MISP3: variants seen among roughly 807,000 people sequenced by gnomAD.
The protein encoded by MISP3 is MISP family member 3.
MISP3 carries 9 observed loss-of-function variants against 5.5 expected under a neutral mutation model. The ratio of observed to expected loss-of-function variants is 1.65; its 90% CI spans 0.99 to 2.87. MISP3 has a LOEUF of 2.87. Among genes scored for constraint, MISP3 ranks in the 30% most tolerant of loss-of-function variants. The pLI, the probability that MISP3 is intolerant of heterozygous loss-of-function variation, is 0.00. For synonymous variants in MISP3, 87 were observed against 38.1 expected, an observed-to-expected ratio of 2.28 and a Z score of -4.73; for missense variants, 152 against 84.1, an observed-to-expected ratio of 1.81 and a Z score of -3.16.
rs1392333232 is a variant in MISP3, at chr19:14,074,803, C to T, written c.*80C>T. On this transcript the variant is annotated 3_prime_UTR_variant, in exon 3 of 3. Coordinates refer to ENST00000587086, the MANE Select transcript of MISP3 (RefSeq NM_001291291.2). The surrounding 1 kb of genome is among the most constrained non-coding windows in gnomAD (Gnocchi z 4.4). ...GGGCGGGGGGCGTCTAGCATTAGGCCTGGAGAAGGGTCGGCTCTCTGCATT... is the reference window on the plus strand; with the variant it reads ...GGGCGGGGGGCGTCTAGCATTAGGCTTGGAGAAGGGTCGGCTCTCTGCATT... 1.5e-6 allele frequency: 1 copy of T among 684,092 alleles called. No homozygotes were observed. The highest frequency in any genetic ancestry group is 2.0e-5 in the Admixed American group (1 of 49,646). 42.4% of individuals were successfully genotyped at this position (684,092 alleles called of 1,614,324 possible).
chr19:14,072,997 T>C lies in MISP3; in HGVS notation c.-313T>C, dbSNP rs1976611688. 2.0e-6 allele frequency: 1 copy of C among 496,908 alleles called. No homozygotes were observed. Among genetic ancestry groups the C allele is most frequent in the Non-Finnish European group, 3.9e-6 (1 of 253,966 alleles). 30.8% of individuals were successfully genotyped at this position (496,908 alleles called of 1,614,324 possible). A position where few individuals can be genotyped will look rare whatever the true frequency, so the allele number is the denominator to read the frequency against. ...CCAGACAGCGAAGCCCCAGAGCTGCTGCGGAGCTGAACACCGAGGTCCCCA... is the reference window on the plus strand; with the variant it reads ...CCAGACAGCGAAGCCCCAGAGCTGCCGCGGAGCTGAACACCGAGGTCCCCA... On this transcript the variant is annotated 5_prime_UTR_variant, in exon 1 of 3. Transcript: ENST00000587086. The surrounding 1 kb of genome is among the most constrained non-coding windows in gnomAD (Gnocchi z 6.8).
chr19:14,073,234 G>A lies in MISP3; in HGVS notation c.-76G>A, dbSNP rs560239360. Reference sequence around the variant, plus strand: ...CAGGCCCTAAGACCTCCTCCTCCAGGTCAGGCTCGGAAGCCCCCCACCTGC... The same window carrying A: ...CAGGCCCTAAGACCTCCTCCTCCAGATCAGGCTCGGAAGCCCCCCACCTGC... On this transcript the variant is annotated 5_prime_UTR_variant, in exon 1 of 3. Coordinates refer to ENST00000587086, the MANE Select transcript of MISP3 (RefSeq NM_001291291.2). The surrounding 1 kb of genome is among the most constrained non-coding windows in gnomAD (Gnocchi z 8.5). 5 of 680,166 alleles carry A rather than the reference G, an allele frequency of 7.4e-6. No individual in the cohort carries two copies. The highest frequency in any genetic ancestry group is 4.5e-5 in the South Asian group (3 of 66,624). 42.1% of individuals were successfully genotyped at this position (680,166 alleles called of 1,614,324 possible).
In MISP3 at chr19:14,073,293, C is replaced by G. The variant is rs981882078; in HGVS notation, c.-17C>G. The G allele has an allele frequency of 2.0e-5, 14 of 694,802 alleles. No individual in the cohort carries two copies. Among genetic ancestry groups the G allele is most frequent in the Middle Eastern group, 2.3e-4 (1 of 4,336 alleles). The allele number at this position is 694,802 out of a possible 1,614,324, so 43.0% of individuals were successfully genotyped here. A position where few individuals can be genotyped will look rare whatever the true frequency, so the allele number is the denominator to read the frequency against. On this transcript the variant is annotated 5_prime_UTR_variant, in exon 1 of 3. Transcript: ENST00000587086. The surrounding 1 kb of genome is among the most constrained non-coding windows in gnomAD (Gnocchi z 8.5). The stretch of plus-strand genomic sequence containing the variant: ...CCGTGCCCCGAGGCTCCCCAGCGTC[C>G]CCCGGAGGAGCGGTTCATGGAGACG...
In MISP3 at chr19:14,073,223, T is replaced by C. The variant is rs536359855; in HGVS notation, c.-87T>C. ...GCATCCCCCTCCAGGCCCTAAGACCTCCTCCTCCAGGTCAGGCTCGGAAGC... is the reference window on the plus strand; with the variant it reads ...GCATCCCCCTCCAGGCCCTAAGACCCCCTCCTCCAGGTCAGGCTCGGAAGC... On this transcript the variant is annotated 5_prime_UTR_variant, in exon 1 of 3. Transcript: ENST00000587086. The surrounding 1 kb of genome is among the most constrained non-coding windows in gnomAD (Gnocchi z 8.5). 1.5e-6 allele frequency: 1 copy of C among 676,796 alleles called. No individual in the cohort carries two copies. Among genetic ancestry groups the C allele is most frequent in the East Asian group, 2.8e-5 (1 of 35,582 alleles). 41.9% of individuals were successfully genotyped at this position (676,796 alleles called of 1,614,324 possible).
rs929990430 is a variant in MISP3 at position 14,073,315 on chromosome 19, G to A, written c.6G>A (p.Glu2=). 1.4e-6 allele frequency: 1 copy of A among 697,620 alleles called. No homozygotes were observed. The highest frequency in any genetic ancestry group is 2.0e-5 in the Admixed American group (1 of 49,836). The allele number at this position is 697,620 out of a possible 1,614,324, so 43.2% of individuals were successfully genotyped here. Residue 2 remains glutamate, a synonymous_variant, in exon 1 of 3, where the codon GAG becomes GAA. Coordinates refer to ENST00000587086, the MANE Select transcript of MISP3 (RefSeq NM_001291291.2). This position sits in a 1 kb window ranked among gnomAD's most constrained non-coding sequence, Gnocchi z 8.5. M[E]TPIEREIRRS... The stretch of plus-strand genomic sequence containing the variant: ...GTCCCCCGGAGGAGCGGTTCATGGA[G>A]ACGCCCATCGAGCGCGAAATCCGCC...
chr19:14,074,831 G>C lies in MISP3; in HGVS notation c.*108G>C, dbSNP rs1293944342. 1.5e-6 allele frequency: 1 copy of C among 667,960 alleles called. No individual in the cohort carries two copies. Among genetic ancestry groups the C allele is most frequent in the Non-Finnish European group, 2.8e-6 (1 of 358,202 alleles). The allele number at this position is 667,960 out of a possible 1,614,324, so 41.4% of individuals were successfully genotyped here. ...GAGAAGGGTCGGCTCTCTGCATTGG[G>C]GAAGATGAAATCGACTTGCCTTTGT... On this transcript the variant is annotated 3_prime_UTR_variant, in exon 3 of 3. Coordinates refer to ENST00000587086, the MANE Select transcript of MISP3 (RefSeq NM_001291291.2). This position sits in a 1 kb window ranked among gnomAD's most constrained non-coding sequence, Gnocchi z 4.4.
chr19:14,074,069 C>T lies in MISP3; in HGVS notation c.568+192C>T, dbSNP rs968997063. ...CATTACTCGCTGTGATCCACCCCTC[C>T]ACCGGGAGTGATGGACTCTCTGATC... On this transcript the variant is annotated intron_variant, in intron 1 of 2. Coordinates refer to ENST00000587086, the MANE Select transcript of MISP3 (RefSeq NM_001291291.2). This position sits in a 1 kb window ranked among gnomAD's most constrained non-coding sequence, Gnocchi z 4.4. The T allele has an allele frequency of 1.7e-6, 1 of 597,302 alleles. No homozygotes were observed. The highest frequency in any genetic ancestry group is 3.0e-6 in the Non-Finnish European group (1 of 335,360). The allele number at this position is 597,302 out of a possible 1,614,324, so 37.0% of individuals were successfully genotyped here. A position where few individuals can be genotyped will look rare whatever the true frequency, so the allele number is the denominator to read the frequency against.
In MISP3 at chr19:14,073,493, G is replaced by T; in HGVS notation, c.184G>T (p.Gly62Cys). ...LPRALERARAGAQMQRDIERE... is the reference protein window; with the variant it reads ...LPRALERARACAQMQRDIERE... ...GCGCGCCCTGGAGCGGGCGCGGGCGGGCGCGCAGATGCAGCGGGACATCGA... is the reference window on the plus strand; with the variant it reads ...GCGCGCCCTGGAGCGGGCGCGGGCGTGCGCGCAGATGCAGCGGGACATCGA... Residue 62 changes from glycine to cysteine, a missense_variant, in exon 1 of 3, where the codon GGC (glycine) becomes TGC (cysteine). Coordinates refer to ENST00000587086, the MANE Select transcript of MISP3 (RefSeq NM_001291291.2). This position sits in a 1 kb window ranked among gnomAD's most constrained non-coding sequence, Gnocchi z 8.5. 1 of 396,584 alleles carries T rather than the reference G, an allele frequency of 2.5e-6. No individual in the cohort carries two copies. The highest frequency in any genetic ancestry group is 4.4e-6 in the Non-Finnish European group (1 of 228,040). 24.6% of individuals were successfully genotyped at this position (396,584 alleles called of 1,614,324 possible). A position where few individuals can be genotyped will look rare whatever the true frequency, so the allele number is the denominator to read the frequency against.
rs1976667947 is a variant in MISP3 at position 14,074,952 on chromosome 19, T to C, written c.*229T>C. 1.8e-6 allele frequency: 1 copy of C among 564,078 alleles called. No individual in the cohort carries two copies. The highest frequency in any genetic ancestry group is 2.9e-5 in the East Asian group (1 of 34,592). The allele number at this position is 564,078 out of a possible 1,614,324, so 34.9% of individuals were successfully genotyped here. ...CCAGTGAAACTGCCCAGCCCTTCTCTGCCTAATTGCAAACTGAACTACCCT... is the reference window on the plus strand; with the variant it reads ...CCAGTGAAACTGCCCAGCCCTTCTCCGCCTAATTGCAAACTGAACTACCCT... On this transcript the variant is annotated 3_prime_UTR_variant, in exon 3 of 3. Transcript: ENST00000587086. The surrounding 1 kb of genome is among the most constrained non-coding windows in gnomAD (Gnocchi z 4.4).
rs1255748835 is a variant in MISP3, at chr19:14,073,103, C to T, written c.-207C>T. ...ATCAGTCGAGCAGGACGCAGAGAGCCCCGGGCTGTCCACAGCTGCGGGCTT... is the reference window on the plus strand; with the variant it reads ...ATCAGTCGAGCAGGACGCAGAGAGCTCCGGGCTGTCCACAGCTGCGGGCTT... On this transcript the variant is annotated 5_prime_UTR_variant, in exon 1 of 3. Transcript: ENST00000587086. The surrounding 1 kb of genome is among the most constrained non-coding windows in gnomAD (Gnocchi z 8.5). 1.9e-5 allele frequency: 12 copies of T among 646,672 alleles called. No homozygotes were observed. The Admixed American group carries it at 2.5e-4, about 13-fold the overall frequency. 40.1% of individuals were successfully genotyped at this position (646,672 alleles called of 1,614,324 possible).
chr19:14,073,456 C>T lies in MISP3; in HGVS notation c.147C>T (p.Gly49=), dbSNP rs1177764613. 3.8e-6 allele frequency: 2 copies of T among 530,774 alleles called. No individual in the cohort carries two copies. The highest frequency in any genetic ancestry group is 4.2e-5 in the Admixed American group (1 of 23,642). The allele number at this position is 530,774 out of a possible 1,614,324, so 32.9% of individuals were successfully genotyped here. A position where few individuals can be genotyped will look rare whatever the true frequency, so the allele number is the denominator to read the frequency against. ...VRPVLNLPGP[G]PALPRALERA... Reference sequence around the variant, plus strand: ...CGGTGCTCAACCTGCCGGGTCCTGGCCCCGCGCTCCCGCGCGCCCTGGAGC... The same window carrying T: ...CGGTGCTCAACCTGCCGGGTCCTGGTCCCGCGCTCCCGCGCGCCCTGGAGC... Residue 49 remains glycine (G), a synonymous_variant, in exon 1 of 3, where the codon GGC becomes GGT. Transcript: ENST00000587086. The surrounding 1 kb of genome is among the most constrained non-coding windows in gnomAD (Gnocchi z 8.5).
chr19:14,074,894 C>G lies in MISP3; in HGVS notation c.*171C>G, dbSNP rs1976666818. On this transcript the variant is annotated 3_prime_UTR_variant, in exon 3 of 3. Transcript: ENST00000587086. This position sits in a 1 kb window ranked among gnomAD's most constrained non-coding sequence, Gnocchi z 4.4. The stretch of plus-strand genomic sequence containing the variant: ...CCCCCTCTATAAAACTTACAGTCCC[C>G]CATTGGGAAACTGACCACCACCCAC... The G allele has an allele frequency of 1.6e-6, 1 of 608,346 alleles. No individual in the cohort carries two copies. The highest frequency in any genetic ancestry group is 1.8e-5 in the South Asian group (1 of 55,288). 37.7% of individuals were successfully genotyped at this position (608,346 alleles called of 1,614,324 possible).
rs934012759 is a variant in MISP3 at position 14,074,067 on chromosome 19, T to G, written c.568+190T>G. On this transcript the variant is annotated intron_variant, in intron 1 of 2. Transcript: ENST00000587086. This position sits in a 1 kb window ranked among gnomAD's most constrained non-coding sequence, Gnocchi z 4.4. ...TCCATTACTCGCTGTGATCCACCCC[T>G]CCACCGGGAGTGATGGACTCTCTGA... 18 of 596,092 alleles carry G rather than the reference T, an allele frequency of 3.0e-5. 1 individual carries two copies. In the African/African-American group the frequency reaches 3.4e-4, roughly 11 times the overall value. 36.9% of individuals were successfully genotyped at this position (596,092 alleles called of 1,614,324 possible).
In MISP3 at chr19:14,075,033, A is replaced by C. The variant is rs1599318213; in HGVS notation, c.*310A>C. 2 of 344,094 alleles carry C rather than the reference A, an allele frequency of 5.8e-6. No homozygotes were observed. Among genetic ancestry groups the C allele is most frequent in the South Asian group, 5.7e-5 (1 of 17,622 alleles). 21.3% of individuals were successfully genotyped at this position (344,094 alleles called of 1,614,324 possible). A position where few individuals can be genotyped will look rare whatever the true frequency, so the allele number is the denominator to read the frequency against. Reference sequence around the variant, plus strand: ...CCGCCTCGATTGCCCCACTCCCCCCACCCCCAATAAAGCCTCTTCTTTCAG... The same window carrying C: ...CCGCCTCGATTGCCCCACTCCCCCCCCCCCCAATAAAGCCTCTTCTTTCAG... On this transcript the variant is annotated 3_prime_UTR_variant, in exon 3 of 3. Coordinates refer to ENST00000587086, the MANE Select transcript of MISP3 (RefSeq NM_001291291.2).
At position 14,074,211 on chromosome 19, in the gene MISP3, C is replaced by A. The variant is rs956506851; in HGVS notation, c.569-179C>A. 22 of 597,104 alleles carry A rather than the reference C, an allele frequency of 3.7e-5. No homozygotes were observed. Among genetic ancestry groups the A allele is most frequent in the Non-Finnish European group, 5.7e-5 (19 of 335,442 alleles). The allele number at this position is 597,104 out of a possible 1,614,324, so 37.0% of individuals were successfully genotyped here. A position where few individuals can be genotyped will look rare whatever the true frequency, so the allele number is the denominator to read the frequency against. ...TGGGTCCTCCCTCTGAATTTTCGGG[C>A]TCCTGCTTCTCCATTCTGGGTTCAC... On this transcript the variant is annotated intron_variant, in intron 1 of 2. Transcript: ENST00000587086. This position sits in a 1 kb window ranked among gnomAD's most constrained non-coding sequence, Gnocchi z 4.4.
rs1345314281 is a variant in MISP3 at position 14,073,006 on chromosome 19, G to T, written c.-304G>T. On this transcript the variant is annotated 5_prime_UTR_variant, in exon 1 of 3. Transcript: ENST00000587086. This position sits in a 1 kb window ranked among gnomAD's most constrained non-coding sequence, Gnocchi z 8.5. ...GAAGCCCCAGAGCTGCTGCGGAGCT[G>T]AACACCGAGGTCCCCAAGCCCTCCG... 5.9e-6 allele frequency: 3 copies of T among 506,304 alleles called. No individual in the cohort carries two copies. Among genetic ancestry groups the T allele is most frequent in the Admixed American group, 4.6e-5 (2 of 43,838 alleles). 31.4% of individuals were successfully genotyped at this position (506,304 alleles called of 1,614,324 possible). A position where few individuals can be genotyped will look rare whatever the true frequency, so the allele number is the denominator to read the frequency against.
chr19:14,073,410 T>C lies in MISP3; in HGVS notation c.101T>C (p.Leu34Pro). ...GLSPGRAGRE[L>P]VELRVRPVLN... The stretch of plus-strand genomic sequence containing the variant: ...AGCCCGGGCCGCGCAGGCCGTGAAC[T>C]CGTCGAGCTGCGCGTGCGGCCGGTG... Residue 34 changes from leucine to proline, a missense_variant, in exon 1 of 3, where the codon CTC becomes CCC. Physicochemically the swap from Leu to Pro is moderately conservative, Grantham distance 98. Transcript: ENST00000587086. This position sits in a 1 kb window ranked among gnomAD's most constrained non-coding sequence, Gnocchi z 8.5. 1.5e-6 allele frequency: 1 copy of C among 679,730 alleles called. No homozygotes were observed. Among genetic ancestry groups the C allele is most frequent in the Non-Finnish European group, 2.7e-6 (1 of 375,868 alleles). 42.1% of individuals were successfully genotyped at this position (679,730 alleles called of 1,614,324 possible).
In MISP3 at chr19:14,073,799, C is replaced by G; in HGVS notation, c.490C>G (p.Arg164Gly). Residue 164 changes from arginine (R) to glycine (G), a missense_variant, in exon 1 of 3, where the codon CGC becomes GGC. By Grantham distance (125) the Arg-to-Gly change is moderately radical (BLOSUM62 -2). Transcript: ENST00000587086. This position sits in a 1 kb window ranked among gnomAD's most constrained non-coding sequence, Gnocchi z 8.5. ...LEQEVRAVRE[R>G]EQELQRQRRS... ...GCAGGAGGTGCGCGCCGTGCGCGAG[C>G]GCGAGCAGGAACTGCAGCGCCAGCG... 1 of 701,388 alleles carries G rather than the reference C, an allele frequency of 1.4e-6. No individual in the cohort carries two copies. Among genetic ancestry groups the G allele is most frequent in the Non-Finnish European group, 2.6e-6 (1 of 384,336 alleles). 43.4% of individuals were successfully genotyped at this position (701,388 alleles called of 1,614,324 possible).
Position 14,074,847 on chromosome 19 carries a change from T to C in MISP3, c.*124T>C, listed in dbSNP as rs1361330234. ...CTGCATTGGGGAAGATGAAATCGAC[T>C]TGCCTTTGTGAAATTGACCAGCCCC... is the stretch of plus-strand genomic sequence containing the variant. On this transcript the variant is annotated 3_prime_UTR_variant, in exon 3 of 3. Coordinates refer to ENST00000587086, the MANE Select transcript of MISP3 (RefSeq NM_001291291.2). This position sits in a 1 kb window ranked among gnomAD's most constrained non-coding sequence, Gnocchi z 4.4. The C allele has an allele frequency of 1.5e-6, 1 of 660,958 alleles. No homozygotes were observed. Among genetic ancestry groups the C allele is most frequent in the African/African-American group, 1.8e-5 (1 of 56,188 alleles). 40.9% of individuals were successfully genotyped at this position (660,958 alleles called of 1,614,324 possible).
Sources: gnomAD v4.1 joint callset for allele counts on GRCh38, gnomAD v4.1.1 for gene constraint, Gnocchi (gnomAD v3.1) non-coding constraint, MANE v1.5 for transcripts, NCBI Gene and HGNC (gene_info 2026-07-23, HGNC 2026-07-21) for gene names.